The following DACH1 variants were observed in gnomAD, a reference collection of about 807,000 sequenced individuals.
DACH1 encodes the protein dachshund family transcription factor 1.
A neutral mutation model predicts 54.2 loss-of-function variants in DACH1; 12 were observed. The observed-to-expected ratio is 0.22, with a 90% CI of 0.14 to 0.36. The LOEUF (loss-of-function observed/expected upper bound fraction) is 0.36. Among genes scored for constraint, DACH1 ranks in the 10% least tolerant of loss-of-function variants. DACH1 has a pLI of 1.00. For missense variants in DACH1, 805 were observed against 929.8 expected, an observed-to-expected ratio of 0.87 and a Z score of 1.75; for synonymous variants, 386 against 366.2, an observed-to-expected ratio of 1.05 and a Z score of -0.62.
At chr13:71,560,761 G>A (rs1884533041) in intron 4 of DACH1, among the ~76,000 whole-genome samples, 1 of 152,038 alleles carries the variant, frequency 6.6e-6, no homozygotes, top group South Asian at 2.1e-4. Flanking sequence ...TATTATAAAT[G>A]GAATTACAGA....
intron 1 of DACH1, among the ~76,000 whole-genome samples, chr13:71,855,183 A>G (rs1873922532): frequency 6.6e-6 from 1 of 152,054 alleles, no homozygotes; most frequent in African/African-American, 2.4e-5. Context: ...ACTTATCCAA[A>G]TGGTTTATTC....
chr13:71,667,734 G>C (rs1041902088), intron 2 of DACH1, among the ~76,000 whole-genome samples: 4 of 152,076 alleles, frequency 2.6e-5, no homozygotes, highest in African/African-American at 4.8e-5. Flanking sequence ...CCTTGGAATA[G>C]TATCCTTAAA....
At position 71,817,632 on chromosome 13, in the gene DACH1, T is replaced by C. The variant is rs552439504; in HGVS notation, c.848+48290A>G. ...TAAATGACACATTGAACTTCAAAGA[T>C]TTCCTATGGAAAAGAAAGTAAAACA... On this transcript the variant is annotated intron_variant, in intron 1 of 10. Transcript: ENST00000613252. Among the ~76,000 whole-genome samples the C allele has an allele frequency of 5.9e-5, 9 of 152,214 alleles. No homozygotes were observed. The East Asian group carries it at 1.5e-3, about 26-fold the overall frequency.
intron 1 of DACH1, among the ~76,000 whole-genome samples, chr13:71,864,079 A>G (rs879451287): frequency 2.0e-4 from 31 of 151,714 alleles, no homozygotes; most frequent in Admixed American, 5.3e-4. Context: ...AAGAACTCCA[A>G]TTATCTGAGT....
chr13:71,532,482 A>C (rs1413949973), intron 6 of DACH1, among the ~76,000 whole-genome samples: 1 of 151,990 alleles, frequency 6.6e-6, no homozygotes, highest in Non-Finnish European at 1.5e-5. Context: ...TACCAAAGTA[A>C]AAGTAACTGG....
At chr13:71,768,678 A>G (rs1885735292) in intron 1 of DACH1, among the ~76,000 whole-genome samples, 1 of 151,914 alleles carries the variant, frequency 6.6e-6, no homozygotes, top group Admixed American at 6.6e-5. Context: ...TCAAATAAAT[A>G]CAGAATAATC....
In DACH1 at chr13:71,866,335, A is replaced by ACTGCTG. The variant is rs752226499; in HGVS notation, c.429_434dup (p.Ser162_Ser163dup). On this transcript the variant is annotated inframe_insertion, in exon 1 of 11. Transcript: ENST00000613252. ...TACTGCTGCTGCTGCTGCTGCTGCT[A>ACTGCTG]CTGCTGCTGCTGCTGCTGCCGGTGC... is the stretch of plus-strand genomic sequence containing the variant. 7.9e-6 allele frequency: 12 copies of ACTGCTG among 1,509,986 alleles called. No individual in the cohort carries two copies. Among genetic ancestry groups the ACTGCTG allele is most frequent in the African/African-American group, 2.8e-5 (2 of 71,986 alleles). The allele number at this position is 1,509,986 out of a possible 1,614,324, so 93.5% of individuals were successfully genotyped here. A position where few individuals can be genotyped will look rare whatever the true frequency, so the allele number is the denominator to read the frequency against.
intron 6 of DACH1, among the ~76,000 whole-genome samples, chr13:71,547,813 C>T (rs1566331285): frequency 6.6e-6 from 1 of 151,982 alleles, no homozygotes; most frequent in African/African-American, 2.4e-5. Flanking sequence ...TGGGATTTAC[C>T]TAAGCTTGGC....
chr13:71,665,896 G>A (rs1879801554), intron 2 of DACH1, among the ~76,000 whole-genome samples: 1 of 151,938 alleles, frequency 6.6e-6, no homozygotes, highest in African/African-American at 2.4e-5. Flanking sequence ...TTTAAATTTT[G>A]TGTACCTTAA....
chr13:71,709,916 C>T (rs555742257), intron 1 of DACH1, among the ~76,000 whole-genome samples: 12 of 152,212 alleles, frequency 7.9e-5, no homozygotes, highest in East Asian at 1.9e-4. Flanking sequence ...GGCGTGATCA[C>T]GGCTCACTAC....
At chr13:71,545,979 A>C (rs1883439654) in intron 6 of DACH1, among the ~76,000 whole-genome samples, 1 of 152,118 alleles carries the variant, frequency 6.6e-6, no homozygotes, top group Non-Finnish European at 1.5e-5. Context: ...CAAAGCCTTC[A>C]TAAATATCCA....
At chr13:71,833,563 A>T (rs1888670991) in intron 1 of DACH1, among the ~76,000 whole-genome samples, 1 of 151,942 alleles carries the variant, frequency 6.6e-6, no homozygotes, top group Non-Finnish European at 1.5e-5. Flanking sequence ...TTGGAACTTA[A>T]CTATTCCTGA....
chr13:71,831,328 G>C (rs559547609), intron 1 of DACH1, among the ~76,000 whole-genome samples: 1 of 151,174 alleles, frequency 6.6e-6, no homozygotes, highest in African/African-American at 2.4e-5. Context: ...TAACCACATG[G>C]TTTAAGTTAA....
intron 1 of DACH1, among the ~76,000 whole-genome samples, chr13:71,753,038 CCT>C (rs1884993247): frequency 6.6e-6 from 1 of 152,152 alleles, no homozygotes; most frequent in South Asian, 2.1e-4. Context: ...TTAAACCTAA[CCT>C]ATTAATACCA....
intron 1 of DACH1, among the ~76,000 whole-genome samples, chr13:71,707,372 C>A (rs117520121): frequency 2.0e-4 from 31 of 152,244 alleles, no homozygotes; most frequent in Non-Finnish European, 3.7e-4. Flanking sequence ...AATAAGGGAC[C>A]CTACATTTGT....
intron 10 of DACH1, among the ~76,000 whole-genome samples, chr13:71,457,327 T>C (rs1593722566): frequency 6.6e-6 from 1 of 152,096 alleles, no homozygotes; most frequent in African/African-American, 2.4e-5. Context: ...TGACACTTTG[T>C]CATAGATAAA....
chr13:71,675,828 T>G (rs1335384740), intron 2 of DACH1, among the ~76,000 whole-genome samples: 2 of 152,186 alleles, frequency 1.3e-5, no homozygotes, highest in Non-Finnish European at 2.9e-5. Context: ...CAAGTAAACT[T>G]CTTATTGACG....
chr13:71,640,413 A>G (rs527822207), intron 2 of DACH1, among the ~76,000 whole-genome samples: 1 of 152,178 alleles, frequency 6.6e-6, no homozygotes, highest in Non-Finnish European at 1.5e-5. Flanking sequence ...TATTGGTGAA[A>G]TACAATATAA....
chr13:71,844,095 T>C (rs937685726), intron 1 of DACH1, among the ~76,000 whole-genome samples: 1 of 152,146 alleles, frequency 6.6e-6, no homozygotes, highest in Non-Finnish European at 1.5e-5. Context: ...GCCCCTCACC[T>C]GAATCTTAGC....
Sources: allele counts gnomAD v4.1 joint callset (sites outside exome capture counted in the v4.1 genomes callset), GRCh38; gene constraint gnomAD v4.1.1; transcripts MANE v1.5; gene names NCBI Gene and HGNC (gene_info 2026-07-23, HGNC 2026-07-21).